The following PCDHGA6 variants were observed in gnomAD, a reference collection of about 807,000 sequenced individuals.
PCDHGA6 encodes protocadherin gamma-A6.
A neutral mutation model predicts 60.6 loss-of-function variants in PCDHGA6; 41 were observed. That is an observed-to-expected ratio of 0.68 (90% confidence interval 0.53 to 0.88). PCDHGA6 has a LOEUF of 0.88. Among genes scored for constraint, PCDHGA6 ranks in the 40% least tolerant of loss-of-function variants. The pLI is 0.00. For missense variants in PCDHGA6, 1,312 were observed against 1,203.0 expected (o/e 1.09, Z -1.34); for synonymous variants, 594 against 524.4 (o/e 1.13, Z -1.81).
At chr5:141,420,462 G>T in intron 1 of PCDHGA6, 2 of 892,618 alleles carry the variant, frequency 2.2e-6, no homozygotes. Context: ...ACTATTCAAA[G>T]ACATTTTAAA....
chr5:141,427,481 C>G, intron 1 of PCDHGA6: 2 of 534,060 alleles, frequency 3.7e-6, no homozygotes, highest in Non-Finnish European at 7.2e-6. Flanking sequence ...CCAATAATGA[C>G]TATAAGCTTG....
At chr5:141,455,837 AT>A (rs2098833014) in intron 1 of PCDHGA6, among the ~76,000 whole-genome samples, 2 of 151,422 alleles carry the variant, frequency 1.3e-5, no homozygotes, top group African/African-American at 4.8e-5. Context: ...TTTCCTGTCT[AT>A]CTGCATAAAA....
chr5:141,467,874 G>T (rs926647135), intron 1 of PCDHGA6, among the ~76,000 whole-genome samples: 1 of 151,920 alleles, frequency 6.6e-6, no homozygotes, highest in Non-Finnish European at 1.5e-5. Context: ...GCCCAGGCTG[G>T]TCTCAAACTC....
rs371490086 is a variant in PCDHGA6, at chr5:141,405,329, G to T, written c.2424+28822G>T. 3 of 1,614,168 alleles carry T rather than the reference G, an allele frequency of 1.9e-6. No individual in the cohort carries two copies. Among genetic ancestry groups the T allele is most frequent in the Non-Finnish European group, 2.5e-6 (3 of 1,180,010 alleles). On this transcript the variant is annotated intron_variant, in intron 1 of 3. Coordinates refer to ENST00000517434, the MANE Select transcript of PCDHGA6 (RefSeq NM_018919.3). The stretch of plus-strand genomic sequence containing the variant: ...CTGTGAGAAAAATGAGCCTTTGTGC[G>T]TCTCTGTTGATTCCAAGTTTCCTAT...
chr5:141,415,167 C>T (rs769256903), intron 1 of PCDHGA6: 3 of 1,613,894 alleles, frequency 1.9e-6, no homozygotes, highest in Admixed American at 3.3e-5. Flanking sequence ...CTGTCACGCT[C>T]ACCGTGGCCG....
In PCDHGA6 at chr5:141,485,234, T is replaced by A. The variant is rs780126313; in HGVS notation, c.2425-9573T>A. 1 of 1,614,124 alleles carries A rather than the reference T, an allele frequency of 6.2e-7. No homozygotes were observed. The highest frequency in any genetic ancestry group is 1.1e-5 in the South Asian group (1 of 91,080). On this transcript the variant is annotated intron_variant, in intron 1 of 3. Transcript: ENST00000517434. This position sits in a 1 kb window ranked among gnomAD's most constrained non-coding sequence, Gnocchi z 5.7. ...GCGGTGGGCTACCCTTTTGTTCCTC[T>A]TTTACCACCTGGGTTACGTTTGTGG...
chr5:141,387,144 G>C (rs2090840258), intron 1 of PCDHGA6, among the ~76,000 whole-genome samples: 1 of 152,168 alleles, frequency 6.6e-6, no homozygotes, highest in Admixed American at 6.5e-5. Context: ...ATTGGGAAGG[G>C]GGTGTATTTG....
intron 1 of PCDHGA6, chr5:141,478,287 G>A (rs777542913): frequency 3.7e-6 from 6 of 1,614,154 alleles, no homozygotes; most frequent in Non-Finnish European, 5.1e-6. Flanking sequence ...AAGCAGTCTA[G>A]AGACCTATAC....
At chr5:141,473,902 G>C (rs1593464039) in intron 1 of PCDHGA6, among the ~76,000 whole-genome samples, 1 of 152,240 alleles carries the variant, frequency 6.6e-6, no homozygotes, top group South Asian at 2.1e-4. Context: ...GGTTCATGAA[G>C]AGGTCTTAAG....
At position 141,432,395 on chromosome 5, in the gene PCDHGA6, G is replaced by A; in HGVS notation, c.2424+55888G>A. 6.2e-7 allele frequency: 1 copy of A among 1,614,240 alleles called. No individual in the cohort carries two copies. ...CGGGCACCCGCCCCTCAGCAGCAAC[G>A]TGTCGTTGAGCCTGTTCGTGCTGGA... On this transcript the variant is annotated intron_variant, in intron 1 of 3. Coordinates refer to ENST00000517434, the MANE Select transcript of PCDHGA6 (RefSeq NM_018919.3). This position sits in a 1 kb window ranked among gnomAD's most constrained non-coding sequence, Gnocchi z 6.0.
At chr5:141,475,813 T>C in intron 1 of PCDHGA6, 1 of 334,788 alleles carries the variant, frequency 3.0e-6, no homozygotes, top group East Asian at 5.5e-5. Flanking sequence ...GAAAGTGAAG[T>C]TCCTGGCGCT....
rs1259021130 is a variant in PCDHGA6 at position 141,485,083 on chromosome 5, G to C, written c.2425-9724G>C. ...GCGCCAGAGCTGGCGCGGGGAAAGG[G>C]AGATAGGTGTCTCCAGCTGCTGTGG... On this transcript the variant is annotated intron_variant, in intron 1 of 3. Coordinates refer to ENST00000517434, the MANE Select transcript of PCDHGA6 (RefSeq NM_018919.3). The surrounding 1 kb of genome is among the most constrained non-coding windows in gnomAD (Gnocchi z 5.7). The C allele has an allele frequency of 1.0e-6, 1 of 989,386 alleles. No homozygotes were observed. The highest frequency in any genetic ancestry group is 1.6e-5 in the African/African-American group (1 of 61,992). 61.3% of individuals were successfully genotyped at this position (989,386 alleles called of 1,614,324 possible).
intron 1 of PCDHGA6, chr5:141,426,967 T>G (rs151241654): frequency 2.2e-6 from 1 of 456,702 alleles, no homozygotes; most frequent in East Asian, 6.9e-5. Context: ...GCAATTCAAA[T>G]TGAGGTCACT....
intron 1 of PCDHGA6, among the ~76,000 whole-genome samples, chr5:141,444,646 G>T (rs1023259048): frequency 1.3e-5 from 2 of 152,098 alleles, no homozygotes; most frequent in Non-Finnish European, 2.9e-5. Flanking sequence ...TGAGGTAGGG[G>T]TTGAAGTTAT....
rs779792543 is a variant in PCDHGA6 at position 141,486,994 on chromosome 5, C to T, written c.2425-7813C>T. ...ATTCAGGTTACAATGCTTGGGTTTCCTATCAGCTCCTGGAGGCCCCAGATC... is the reference window on the plus strand; with the variant it reads ...ATTCAGGTTACAATGCTTGGGTTTCTTATCAGCTCCTGGAGGCCCCAGATC... On this transcript the variant is annotated intron_variant, in intron 1 of 3. Coordinates refer to ENST00000517434, the MANE Select transcript of PCDHGA6 (RefSeq NM_018919.3). This position sits in a 1 kb window ranked among gnomAD's most constrained non-coding sequence, Gnocchi z 5.0. The T allele has an allele frequency of 6.2e-7, 1 of 1,614,214 alleles. No individual in the cohort carries two copies. The highest frequency in any genetic ancestry group is 8.5e-7 in the Non-Finnish European group (1 of 1,180,034).
rs576594507 is a variant in PCDHGA6, at chr5:141,397,831, A to T, written c.2424+21324A>T. On this transcript the variant is annotated intron_variant, in intron 1 of 3. Transcript: ENST00000517434. ...CACAAAAACAATTACTGCACTGGTT[A>T]ACTTGAAGCCGCAGAGGCTGTAGTT... 9.5e-4 allele frequency among the ~76,000 whole-genome samples: 145 copies of T among 152,360 alleles called. 1 individual carries two copies. The highest frequency in any genetic ancestry group is 1.8e-3 in the Non-Finnish European group (124 of 68,036).
At position 141,398,898 on chromosome 5, in the gene PCDHGA6, A is replaced by G. The variant is rs565517655; in HGVS notation, c.2424+22391A>G. 11 of 1,613,922 alleles carry G rather than the reference A, an allele frequency of 6.8e-6. No homozygotes were observed. The African/African-American group carries it at 1.1e-4, about 16-fold the overall frequency. ...TCAGCCTTCGGGAAAACGTGCCACCAGGCACCACTGTGTTGCAAGTGTCAG... is the reference window on the plus strand; with the variant it reads ...TCAGCCTTCGGGAAAACGTGCCACCGGGCACCACTGTGTTGCAAGTGTCAG... On this transcript the variant is annotated intron_variant, in intron 1 of 3. Coordinates refer to ENST00000517434, the MANE Select transcript of PCDHGA6 (RefSeq NM_018919.3).
rs767719494 is a variant in PCDHGA6 at position 141,491,200 on chromosome 5, C to T, written c.2425-3607C>T. On this transcript the variant is annotated intron_variant, in intron 1 of 3. Coordinates refer to ENST00000517434, the MANE Select transcript of PCDHGA6 (RefSeq NM_018919.3). This position sits in a 1 kb window ranked among gnomAD's most constrained non-coding sequence, Gnocchi z 6.9. The stretch of plus-strand genomic sequence containing the variant: ...GGTCCTGGTGAGGGACAATGGTGAC[C>T]CTTCACTCTCCTCCACAGCCACAGT... 4 of 1,614,158 alleles carry T rather than the reference C, an allele frequency of 2.5e-6. No individual in the cohort carries two copies. The highest frequency in any genetic ancestry group is 3.4e-6 in the Non-Finnish European group (4 of 1,180,000).
intron 1 of PCDHGA6, among the ~76,000 whole-genome samples, chr5:141,381,244 C>G (rs554184818): frequency 6.6e-6 from 1 of 152,242 alleles, no homozygotes; most frequent in South Asian, 2.1e-4. Context: ...TCTCCAGGAC[C>G]TAGAAGAATT....
Sources: gnomAD v4.1 joint callset for allele counts (sites outside exome capture counted in the v4.1 genomes callset) on GRCh38, gnomAD v4.1.1 for gene constraint, Gnocchi (gnomAD v3.1) non-coding constraint, MANE v1.5 for transcripts, NCBI Gene and HGNC (gene_info 2026-07-23, HGNC 2026-07-21) for gene names.